Variants in CHCHD3 observed in about 807,000 individuals in gnomAD.
CHCHD3 encodes coiled-coil-helix-coiled-coil-helix domain containing 3, also known as MICOS complex subunit MIC19.
A neutral mutation model predicts 38.2 loss-of-function variants in CHCHD3; 20 were observed. The ratio of observed to expected loss-of-function variants is 0.52; its 90% CI spans 0.37 to 0.76. CHCHD3 has a LOEUF of 0.76. Ranked by LOEUF, CHCHD3 falls within the 30% of genes least tolerant of loss-of-function variation. CHCHD3 has a pLI of 0.00. For missense variants in CHCHD3, 245 were observed against 279.2 expected (o/e 0.88, Z 0.87); for synonymous variants, 82 against 100.0 (o/e 0.82, Z 1.07).
intron 3 of CHCHD3, among the ~76,000 whole-genome samples, chr7:133,002,047 G>A (rs1195804650): frequency 9.2e-5 from 14 of 152,064 alleles, no homozygotes; most frequent in Non-Finnish European, 2.1e-4. Context: ...GAGCCCTCAA[G>A]AAGTTATGTA....
rs551044722 is a variant in CHCHD3 at position 132,831,210 on chromosome 7, G to A, written c.524+7189C>T. On this transcript the variant is annotated intron_variant, in intron 6 of 7. Coordinates refer to ENST00000262570, the MANE Select transcript of CHCHD3 (RefSeq NM_017812.4). ...TAACATAACTCCTGCATTAGAGAAG[G>A]CAGCATGTTCAAGTAATGTTGTTTT... Among the ~76,000 whole-genome samples the A allele has an allele frequency of 5.9e-5, 9 of 152,158 alleles. No homozygotes were observed. In the South Asian group the frequency reaches 1.9e-3, roughly 32 times the overall value.
intron 4 of CHCHD3, among the ~76,000 whole-genome samples, chr7:132,963,003 T>G (rs140309446): frequency 6.6e-6 from 1 of 152,168 alleles, no homozygotes; most frequent in East Asian, 1.9e-4. Flanking sequence ...GGCTAAATAT[T>G]ACAATAGTCA....
intron 3 of CHCHD3, among the ~76,000 whole-genome samples, chr7:132,982,698 A>T (rs900085828): frequency 2.6e-5 from 4 of 152,242 alleles, no homozygotes; most frequent in Non-Finnish European, 5.9e-5. Flanking sequence ...TTTAATCCTC[A>T]CAACAACCCT....
At chr7:132,942,176 G>A (rs545449774) in intron 4 of CHCHD3, among the ~76,000 whole-genome samples, 21 of 152,166 alleles carry the variant, frequency 1.4e-4, no homozygotes, top group East Asian at 3.9e-4. Flanking sequence ...AAAGAGCGGT[G>A]GAGAGAGGGA....
At chr7:132,908,773 A>C (rs565172437) in intron 4 of CHCHD3, among the ~76,000 whole-genome samples, 22 of 152,372 alleles carry the variant, frequency 1.4e-4, no homozygotes, top group African/African-American at 4.8e-4. Context: ...GCTGCTTCTA[A>C]ATAACAAAGA....
intron 3 of CHCHD3, 63 bp downstream of exon 3, chr7:133,024,480 TCTC>T (rs1299522587): frequency 9.2e-7 from 1 of 1,090,276 alleles, no homozygotes; most frequent in Admixed American, 1.7e-5. Flanking sequence ...CAATCATTCT[TCTC>T]TAAAAATACT....
intron 6 of CHCHD3, among the ~76,000 whole-genome samples, chr7:132,832,572 T>C (rs1263221588): frequency 6.8e-6 from 1 of 146,796 alleles, no homozygotes; most frequent in Non-Finnish European, 1.5e-5. Context: ...GAGAATGAAG[T>C]ATCAATTGTC....
intron 6 of CHCHD3, among the ~76,000 whole-genome samples, chr7:132,831,324 T>G (rs764685229): frequency 1.3e-5 from 2 of 152,192 alleles, no homozygotes; most frequent in Non-Finnish European, 2.9e-5. Flanking sequence ...GATACACCAT[T>G]TGATCATTTC....
chr7:133,040,527 A>G (rs1056497352), intron 2 of CHCHD3, among the ~76,000 whole-genome samples: 2 of 152,190 alleles, frequency 1.3e-5, no homozygotes, highest in South Asian at 4.2e-4. Flanking sequence ...CTTATCTTCC[A>G]CTAGTTTTAT....
At chr7:133,013,123 T>C (rs1454519996) in intron 3 of CHCHD3, among the ~76,000 whole-genome samples, 2 of 137,096 alleles carry the variant, frequency 1.5e-5, no homozygotes, top group African/African-American at 5.5e-5. Context: ...GAAGCAGAGG[T>C]TGCAGTAAGC....
At chr7:132,963,322 A>ATTTTTTTT (rs1005146883) in intron 4 of CHCHD3, among the ~76,000 whole-genome samples, 6 of 87,566 alleles carry the variant, frequency 6.9e-5, no homozygotes, top group African/African-American at 9.6e-5. Flanking sequence ...TAAAATTGTA[A>ATTTTTTTT]TTTTTTTTTT....
chr7:132,898,206 A>G (rs556692312), intron 4 of CHCHD3, among the ~76,000 whole-genome samples: 1 of 152,328 alleles, frequency 6.6e-6, no homozygotes, highest in South Asian at 2.1e-4. Context: ...CAAAGCTTCC[A>G]CAGTGTGGAA....
chr7:132,995,661 A>G (rs963762872), intron 3 of CHCHD3, among the ~76,000 whole-genome samples: 4 of 152,216 alleles, frequency 2.6e-5, no homozygotes, highest in African/African-American at 9.6e-5. Context: ...CCGGCAGGAG[A>G]CAGAGCGTAA....
intron 4 of CHCHD3, among the ~76,000 whole-genome samples, chr7:132,944,004 GTT>G (rs1810837030): frequency 6.6e-6 from 1 of 152,076 alleles, no homozygotes; most frequent in Admixed American, 6.6e-5. Context: ...AAGAGAGAAA[GTT>G]TTCTCTGTGT....
chr7:133,045,667 T>C (rs544599884), intron 2 of CHCHD3, among the ~76,000 whole-genome samples: 1 of 152,274 alleles, frequency 6.6e-6, no homozygotes, highest in African/African-American at 2.4e-5. Context: ...TCGCAACATA[T>C]GTATATGCTG....
At chr7:132,923,010 G>A (rs561316259) in intron 4 of CHCHD3, among the ~76,000 whole-genome samples, 5 of 152,206 alleles carry the variant, frequency 3.3e-5, no homozygotes, top group East Asian at 3.9e-4. Context: ...ATCTGAAAAC[G>A]GCCAAGAAGG....
At chr7:132,919,404 C>G (rs1486236915) in intron 4 of CHCHD3, among the ~76,000 whole-genome samples, 1 of 152,118 alleles carries the variant, frequency 6.6e-6, no homozygotes, top group Admixed American at 6.5e-5. Context: ...AGCCACTGTG[C>G]CCGGCCATAG....
intron 2 of CHCHD3, among the ~76,000 whole-genome samples, chr7:133,044,295 G>A (rs961413135): frequency 3.9e-5 from 6 of 152,144 alleles, no homozygotes; most frequent in African/African-American, 9.7e-5. Context: ...CTCCATTAGC[G>A]CTTTTAACAG....
chr7:132,842,297 T>C (rs1807960719), intron 5 of CHCHD3, among the ~76,000 whole-genome samples: 1 of 152,130 alleles, frequency 6.6e-6, no homozygotes, highest in African/African-American at 2.4e-5. Flanking sequence ...TTGCAGTGTA[T>C]ACACAATACT....
Sources: allele counts gnomAD v4.1 joint callset (sites outside exome capture counted in the v4.1 genomes callset), GRCh38; gene constraint gnomAD v4.1.1; transcripts MANE v1.5; gene names NCBI Gene and HGNC (gene_info 2026-07-23, HGNC 2026-07-21).